Variants in NCOA1 observed in about 807,000 individuals in gnomAD.
NCOA1 encodes the protein nuclear receptor coactivator 1.
Under a neutral mutation model 150.9 loss-of-function variants are expected in NCOA1, and 35 were observed. The observed-to-expected ratio is 0.23, with a 90% CI of 0.18 to 0.31. The LOEUF (loss-of-function observed/expected upper bound fraction) is 0.31, where lower values mean the gene tolerates loss of function less well. Among genes scored for constraint, NCOA1 ranks in the 10% least tolerant of loss-of-function variants. The pLI, the probability that NCOA1 is intolerant of heterozygous loss-of-function variation, is 1.00. For synonymous variants in NCOA1, 590 were observed against 630.0 expected (o/e 0.94, Z 0.95); for missense variants, 1,491 against 1,749.3 (o/e 0.85, Z 2.63).
intron 2 of NCOA1, among the ~76,000 whole-genome samples, chr2:24,572,244 T>C (rs1572434412): frequency 1.3e-5 from 2 of 152,264 alleles, no homozygotes; most frequent in Admixed American, 1.3e-4. Flanking sequence ...TGGGTAAAAC[T>C]TGATAATGTG....
intron 1 of NCOA1, among the ~76,000 whole-genome samples, chr2:24,497,158 G>A (rs1197976290): frequency 6.6e-6 from 1 of 152,154 alleles, no homozygotes; most frequent in Non-Finnish European, 1.5e-5. Context: ...ATAGGTGTTA[G>A]GGATGACATT....
intron 1 of NCOA1, among the ~76,000 whole-genome samples, chr2:24,559,456 A>C (rs1025261583): frequency 2.6e-5 from 4 of 151,834 alleles, no homozygotes; most frequent in African/African-American, 9.7e-5. Context: ...AAGTACCAAT[A>C]TTTCTCCTTA....
At chr2:24,765,108 T>G (rs1572699626) in intron 22 of NCOA1, among the ~76,000 whole-genome samples, 1 of 125,644 alleles carries the variant, frequency 8.0e-6, no homozygotes, top group Non-Finnish European at 1.7e-5. Context: ...ACCCAGGAGG[T>G]GGAGGTTGCA....
At chr2:24,505,949 C>T (rs540533003) in intron 1 of NCOA1, among the ~76,000 whole-genome samples, 13 of 151,804 alleles carry the variant, frequency 8.6e-5, no homozygotes, top group African/African-American at 3.1e-4. Context: ...GCAGAGCTGG[C>T]GGAGACAGAT....
chr2:24,536,414 A>G (rs573029790), intron 1 of NCOA1, among the ~76,000 whole-genome samples: 159 of 152,160 alleles, frequency 1.0e-3, no homozygotes, highest in Non-Finnish European at 2.0e-3. Flanking sequence ...TTTAGCTCGG[A>G]GAAGTTTGTT....
In NCOA1 at chr2:24,612,133, G is replaced by T. The variant is rs563500143; in HGVS notation, c.-175+27573G>T. 7.3e-4 allele frequency among the ~76,000 whole-genome samples: 111 copies of T among 152,204 alleles called. 1 individual carries two copies. Among genetic ancestry groups the T allele is most frequent in the African/African-American group, 2.6e-3 (106 of 41,502 alleles). The stretch of plus-strand genomic sequence containing the variant: ...AGTGGTAACGAATTCTCTAGCACTT[G>T]CTTGTCTGGAAAAGATTTTATTTCT... On this transcript the variant is annotated intron_variant, in intron 3 of 22. Coordinates refer to ENST00000348332, the MANE Select transcript of NCOA1 (RefSeq NM_003743.5).
chr2:24,626,452 GAA>G (rs1018892892), intron 3 of NCOA1, among the ~76,000 whole-genome samples: 4 of 152,194 alleles, frequency 2.6e-5, no homozygotes, highest in Admixed American at 2.6e-4. Context: ...ACTGGAGAGA[GAA>G]AATTAGCAGG....
At chr2:24,694,298 A>G (rs1433038872) in intron 10 of NCOA1, among the ~76,000 whole-genome samples, 1 of 152,204 alleles carries the variant, frequency 6.6e-6, no homozygotes, top group Non-Finnish European at 1.5e-5. Flanking sequence ...TCATGCTTTT[A>G]CGACAACCAG....
chr2:24,727,589 A>G (rs1310389403), intron 15 of NCOA1, among the ~76,000 whole-genome samples: 5 of 152,206 alleles, frequency 3.3e-5, no homozygotes, highest in Non-Finnish European at 1.5e-5. Context: ...TAGCGCCTTA[A>G]CTATGAACTG....
chr2:24,576,926 A>C (rs1667014550), intron 2 of NCOA1, among the ~76,000 whole-genome samples: 1 of 152,200 alleles, frequency 6.6e-6, no homozygotes, highest in Non-Finnish European at 1.5e-5. Flanking sequence ...GTCAGTTGCC[A>C]CATAGTTTAA....
intron 1 of NCOA1, among the ~76,000 whole-genome samples, chr2:24,537,179 A>T (rs1273390496): frequency 6.6e-6 from 1 of 152,028 alleles, no homozygotes; most frequent in Non-Finnish European, 1.5e-5. Flanking sequence ...ACAATAGTCA[A>T]GATACAGAAA....
chr2:24,553,367 C>T (rs779740801), intron 1 of NCOA1, among the ~76,000 whole-genome samples: 6 of 151,792 alleles, frequency 4.0e-5, no homozygotes, highest in Admixed American at 3.3e-4. Flanking sequence ...TACAGGTGTG[C>T]GCCACTACAC....
At chr2:24,717,959 T>C (rs1449533449) in intron 14 of NCOA1, among the ~76,000 whole-genome samples, 3 of 150,134 alleles carry the variant, frequency 2.0e-5, no homozygotes, top group African/African-American at 7.3e-5. Context: ...TGCAATGGCA[T>C]GATTGCCGCT....
At chr2:24,510,938 A>C (rs151082738) in intron 1 of NCOA1, among the ~76,000 whole-genome samples, 1 of 152,242 alleles carries the variant, frequency 6.6e-6, no homozygotes, top group East Asian at 1.9e-4. Flanking sequence ...AACCATCACC[A>C]TTGTGTAATA....
intron 3 of NCOA1, among the ~76,000 whole-genome samples, chr2:24,625,097 A>G (rs1030096799): frequency 6.6e-6 from 1 of 152,194 alleles, no homozygotes; most frequent in Non-Finnish European, 1.5e-5. Flanking sequence ...GAAACAAATG[A>G]GTGTGACTAT....
In NCOA1 at chr2:24,707,402, G is replaced by A. The variant is rs1484159457; in HGVS notation, c.1932G>A (p.Gln644=). The A allele has an allele frequency of 5.0e-6, 8 of 1,614,088 alleles. No individual in the cohort carries two copies. The highest frequency in any genetic ancestry group is 6.8e-6 in the Non-Finnish European group (8 of 1,180,046). The stretch of plus-strand genomic sequence containing the variant: ...TTTTGACAACAACTGCCGAACAGCA[G>A]TTACGGCATGCTGATATAGACACAA... ...VQLLTTTAEQ[Q]LRHADIDTSC... The change falls in exon 13 of 23, where the codon CAG becomes CAA. Residue 644 remains glutamine (Q), a synonymous_variant. Coordinates refer to ENST00000348332, the MANE Select transcript of NCOA1 (RefSeq NM_003743.5).
At chr2:24,501,766 G>A (rs1022267837) in intron 1 of NCOA1, among the ~76,000 whole-genome samples, 2 of 152,094 alleles carry the variant, frequency 1.3e-5, no homozygotes, top group African/African-American at 4.8e-5. Context: ...GTAAAATTTT[G>A]TGAGTCTATA....
intron 5 of NCOA1, among the ~76,000 whole-genome samples, chr2:24,664,026 A>C (rs1265442448): frequency 6.6e-6 from 1 of 152,220 alleles, no homozygotes; most frequent in African/African-American, 2.4e-5. Context: ...TCTACTACAT[A>C]TATCTTATAT....
At chr2:24,673,546 C>T in intron 7 of NCOA1, 83 bp downstream of exon 7, 1 of 766,744 alleles carries the variant, frequency 1.3e-6, no homozygotes, top group Non-Finnish European at 2.1e-6. Flanking sequence ...TGCCTTATAT[C>T]CAGTTAATAA....
Sources: allele counts gnomAD v4.1 joint callset (sites outside exome capture counted in the v4.1 genomes callset), GRCh38; gene constraint gnomAD v4.1.1; transcripts MANE v1.5; gene names NCBI Gene and HGNC (gene_info 2026-07-23, HGNC 2026-07-21).